TAF5L: variants seen among roughly 807,000 people sequenced by gnomAD.
TAF5L encodes the protein TATA-box binding protein associated factor 5 like.
A neutral mutation model predicts 51.3 loss-of-function variants in TAF5L; 7 were observed. The observed-to-expected ratio is 0.14, with a 90% CI of 0.08 to 0.26. The LOEUF is 0.26. Ranked by LOEUF, TAF5L falls within the 10% of genes least tolerant of loss-of-function variation. The pLI, the probability that TAF5L is intolerant of heterozygous loss-of-function variation, is 1.00. For synonymous variants in TAF5L, 291 were observed against 308.1 expected, an observed-to-expected ratio of 0.94 and a Z score of 0.58; for missense variants, 575 against 758.9, an observed-to-expected ratio of 0.76 and a Z score of 2.85.
In TAF5L at chr1:229,602,744, C is replaced by T. The variant is rs201859507; in HGVS notation, c.423G>A (p.Gln141=). Residue 141 remains glutamine (Q), a synonymous_variant, in exon 4 of 5, where the codon CAG becomes CAA. Coordinates refer to ENST00000258281, the Ensembl canonical transcript of TAF5L. The surrounding 1 kb of genome is among the most constrained non-coding windows in gnomAD (Gnocchi z 4.6). ...GGATGTCCTGGATGGTTTGAGTGGT[C>T]TGTAGCTGCTCAATGACATCCTTCT... 6.2e-7 allele frequency: 1 copy of T among 1,614,130 alleles called. No homozygotes were observed. Among genetic ancestry groups the T allele is most frequent in the East Asian group, 2.2e-5 (1 of 44,872 alleles).
At chr1:229,597,092 TACA>T (rs1043631371) in intron 4 of TAF5L, among the ~76,000 whole-genome samples, 2 of 152,198 alleles carry the variant, frequency 1.3e-5, no homozygotes, top group East Asian at 1.9e-4. Context: ...CCAAAGAAGT[TACA>T]ACAACACTTT....
In TAF5L at chr1:229,625,480, T is replaced by C. The variant is rs1416452546; in HGVS notation, c.-4+405A>G. 3.3e-5 allele frequency among the ~76,000 whole-genome samples: 5 copies of C among 152,140 alleles called. No homozygotes were observed. Among genetic ancestry groups the C allele is most frequent in the Non-Finnish European group, 1.5e-5 (1 of 68,022 alleles). Reference sequence around the variant, plus strand: ...GCCGCAAAGACATTTCCTTTTCCCCTACATGCAAAGGAGCTGTGGAGCCGT... The same window carrying C: ...GCCGCAAAGACATTTCCTTTTCCCCCACATGCAAAGGAGCTGTGGAGCCGT... On this transcript the variant is annotated intron_variant, in intron 1 of 4. Transcript: ENST00000258281. This position sits in a 1 kb window ranked among gnomAD's most constrained non-coding sequence, Gnocchi z 4.0.
chr1:229,598,636 T>C (rs906644814), intron 4 of TAF5L, among the ~76,000 whole-genome samples: 1 of 151,732 alleles, frequency 6.6e-6, no homozygotes, highest in African/African-American at 2.4e-5. Context: ...GCCATGTTGC[T>C]CAAATATTAA....
chr1:229,616,908 A>G (rs3753890), intron 1 of TAF5L, among the ~76,000 whole-genome samples: 19,400 of 152,202 alleles, frequency 0.13, 1,897 homozygotes, highest in East Asian at 0.42. Flanking sequence ...AAGAAGGGGT[A>G]CTAGGTGTGT....
intron 4 of TAF5L, chr1:229,600,526 A>G (rs946448613): frequency 2.0e-6 from 2 of 985,340 alleles, no homozygotes; most frequent in African/African-American, 3.5e-5. Context: ...CAGTAATTGA[A>G]TAACCGAGCT....
chr1:229,622,097 ATGTG>A (rs1479957948), intron 1 of TAF5L, among the ~76,000 whole-genome samples: 1 of 152,096 alleles, frequency 6.6e-6, no homozygotes, highest in African/African-American at 2.4e-5. Context: ...ATATACAGAT[ATGTG>A]TGTGTATATA....
At chr1:229,601,998 C>T (rs1295366363) in intron 4 of TAF5L, 197 bp downstream of exon 4, 2 of 1,409,512 alleles carry the variant, frequency 1.4e-6, no homozygotes, top group Non-Finnish European at 1.8e-6. Context: ...GAAGTTAATG[C>T]TGCTAAAAAT....
intron 1 of TAF5L, among the ~76,000 whole-genome samples, 194 bp from the exon 2 acceptor site, chr1:229,614,679 A>T (rs1664908786): frequency 6.6e-6 from 1 of 152,224 alleles, no homozygotes; most frequent in Non-Finnish European, 1.5e-5. Flanking sequence ...CTGTTTCTCC[A>T]ATGACAATAC....
chr1:229,597,982 T>A (rs910975964), intron 4 of TAF5L, among the ~76,000 whole-genome samples: 1 of 152,150 alleles, frequency 6.6e-6, no homozygotes, highest in African/African-American at 2.4e-5. Flanking sequence ...TTAGCCTCCA[T>A]CTATTCTCTA....
chr1:229,613,345 A>AAAAGAAG (rs1664857234), intron 2 of TAF5L, among the ~76,000 whole-genome samples: 1 of 150,996 alleles, frequency 6.6e-6, no homozygotes, highest in Admixed American at 6.6e-5. Flanking sequence ...AAAAAAAAAA[A>AAAAGAAG]AAAGAAGAAA....
chr1:229,600,209 GA>G, intron 4 of TAF5L: 1 of 985,390 alleles, frequency 1.0e-6, no homozygotes, highest in Non-Finnish European at 1.2e-6. Flanking sequence ...CTTGTTGTCA[GA>G]AACCAAAAAG....
chr1:229,625,496 G>A lies in TAF5L; in HGVS notation c.-4+389C>T, dbSNP rs1665414454. ...CTTTTCCCCTACATGCAAAGGAGCT[G>A]TGGAGCCGTGCTCCCTGCTTGGCTG... On this transcript the variant is annotated intron_variant, in intron 1 of 4. Transcript: ENST00000258281. This position sits in a 1 kb window ranked among gnomAD's most constrained non-coding sequence, Gnocchi z 4.0. Among the ~76,000 whole-genome samples the A allele has an allele frequency of 6.6e-6, 1 of 152,190 alleles. No individual in the cohort carries two copies. The highest frequency in any genetic ancestry group is 2.4e-5 in the African/African-American group (1 of 41,458).
chr1:229,613,353 A>AAAGAAG lies in TAF5L; in HGVS notation c.142+982_142+987dup, dbSNP rs371399557. 4.8e-3 allele frequency among the ~76,000 whole-genome samples: 718 copies of AAAGAAG among 150,710 alleles called. 7 individuals are homozygous for AAAGAAG. The highest frequency in any genetic ancestry group is 0.017 in the African/African-American group (684 of 40,976). ...TCAAAAAAAAAAAAAAAAAAAGAAGAAAGAAGAAGAAGAAGAAGAAAGTCA... is the reference window on the plus strand; with the variant it reads ...TCAAAAAAAAAAAAAAAAAAAGAAGAAAGAAGAAGAAGAAGAAGAAGAAGAAAGTCA... On this transcript the variant is annotated intron_variant, in intron 2 of 4. Transcript: ENST00000258281.
rs781112180 is a variant in TAF5L at position 229,602,063 on chromosome 1, T to C, written c.972+132A>G. 23 of 1,495,792 alleles carry C rather than the reference T, an allele frequency of 1.5e-5. No homozygotes were observed. Among genetic ancestry groups the C allele is most frequent in the Non-Finnish European group, 2.0e-5 (22 of 1,124,006 alleles). The allele number at this position is 1,495,792 out of a possible 1,614,324, so 92.7% of individuals were successfully genotyped here. A position where few individuals can be genotyped will look rare whatever the true frequency, so the allele number is the denominator to read the frequency against. ...AGGAATTCAATGGCTACAGGTAACA[T>C]GTCATTAGTCTGGCTTTAGCTATAT... On this transcript the variant is annotated intron_variant, in intron 4 of 4. Transcript: ENST00000258281. The surrounding 1 kb of genome is among the most constrained non-coding windows in gnomAD (Gnocchi z 4.6).
chr1:229,604,807 C>T (rs1664521191), intron 3 of TAF5L, among the ~76,000 whole-genome samples: 3 of 152,086 alleles, frequency 2.0e-5, no homozygotes, highest in South Asian at 4.1e-4. Context: ...GCTACAGAAA[C>T]GAGGACTGTA....
intron 3 of TAF5L, among the ~76,000 whole-genome samples, chr1:229,608,847 T>TA (rs1664691985): frequency 6.6e-6 from 1 of 151,792 alleles, no homozygotes; most frequent in Admixed American, 6.6e-5. Context: ...CAAAAAAATT[T>TA]AAAAAAATTA....
At chr1:229,597,413 G>T (rs1319263208) in intron 4 of TAF5L, among the ~76,000 whole-genome samples, 1 of 152,224 alleles carries the variant, frequency 6.6e-6, no homozygotes, top group African/African-American at 2.4e-5. Context: ...GTGGAAACGT[G>T]TCCAGCTGAC....
intron 4 of TAF5L, among the ~76,000 whole-genome samples, chr1:229,598,977 G>A (rs767753261): frequency 6.6e-6 from 1 of 152,120 alleles, no homozygotes; most frequent in Non-Finnish European, 1.5e-5. Context: ...GATTACAGGC[G>A]TGAGCCACCG....
chr1:229,598,690 CTTTTTTT>C (rs71563413), intron 4 of TAF5L, among the ~76,000 whole-genome samples: 2 of 141,404 alleles, frequency 1.4e-5, no homozygotes, highest in South Asian at 2.2e-4. Flanking sequence ...TTGGATATCT[CTTTTTTT>C]TTTTTTTTTC....
Sources: allele counts gnomAD v4.1 joint callset (sites outside exome capture counted in the v4.1 genomes callset), GRCh38; gene constraint gnomAD v4.1.1; non-coding constraint Gnocchi (gnomAD v3.1); transcripts MANE v1.5; gene names NCBI Gene and HGNC (gene_info 2026-07-23, HGNC 2026-07-21).